Variants in STK32B observed in about 807,000 individuals in gnomAD.
STK32B encodes serine/threonine kinase 32B.
Under a neutral mutation model 52.6 loss-of-function variants are expected in STK32B, and 43 were observed. The ratio of observed to expected loss-of-function variants is 0.82; its 90% confidence interval spans 0.64 to 1.05. The LOEUF (loss-of-function observed/expected upper bound fraction) is 1.05. STK32B is among the 50% of genes least tolerant of loss of function. The pLI, the probability that STK32B is intolerant of heterozygous loss-of-function variation, is 0.00. For missense variants in STK32B, 621 were observed against 534.6 expected, an observed-to-expected ratio of 1.16 and a Z score of -1.59; for synonymous variants, 238 against 204.3, an observed-to-expected ratio of 1.17 and a Z score of -1.41.
intron 4 of STK32B, among the ~76,000 whole-genome samples, chr4:5,393,702 C>A (rs1036670653): frequency 1.3e-5 from 2 of 152,100 alleles, no homozygotes; most frequent in Admixed American, 1.3e-4. Flanking sequence ...CAGGAGAAAC[C>A]ACCCCCATGA....
At chr4:5,190,031 A>G (rs1386735024) in intron 3 of STK32B, among the ~76,000 whole-genome samples, 2 of 152,136 alleles carry the variant, frequency 1.3e-5, no homozygotes, top group African/African-American at 4.8e-5. Flanking sequence ...ATATGTGGAG[A>G]GCGTACATGA....
the STK32B span, among the ~76,000 whole-genome samples, chr4:5,040,345 A>G: frequency 1.3e-5 from 2 of 151,778 alleles, no homozygotes. Context: ...TATAGAAGGG[A>G]AGTGACTTCT....
chr4:5,050,521 A>G (rs1741720264), upstream of STK32B, among the ~76,000 whole-genome samples: 2 of 152,180 alleles, frequency 1.3e-5, no homozygotes, highest in Admixed American at 6.5e-5. Flanking sequence ...GAGACCAGGT[A>G]GGGGACGGGG....
chr4:5,370,914 A>G (rs1371267557), intron 4 of STK32B, among the ~76,000 whole-genome samples: 1 of 151,950 alleles, frequency 6.6e-6, no homozygotes, highest in Non-Finnish European at 1.5e-5. Context: ...TCGAGGCTAC[A>G]GTAAGCCATG....
intron 3 of STK32B, among the ~76,000 whole-genome samples, chr4:5,296,991 A>G (rs1206928592): frequency 6.6e-6 from 1 of 152,160 alleles, no homozygotes; most frequent in African/African-American, 2.4e-5. Flanking sequence ...AAAATCCCTC[A>G]GCATTTGCTT....
At chr4:5,434,749 A>C (rs930209069) in intron 6 of STK32B, among the ~76,000 whole-genome samples, 45 of 152,340 alleles carry the variant, frequency 3.0e-4, no homozygotes, top group African/African-American at 1.0e-3. Context: ...CACAGTCCCT[A>C]GCATCTAGAA....
chr4:5,110,060 T>C (rs889264687), intron 1 of STK32B, among the ~76,000 whole-genome samples: 2 of 148,038 alleles, frequency 1.4e-5, no homozygotes, highest in African/African-American at 2.5e-5. Flanking sequence ...GTGAAAGAGC[T>C]CTATAAGGAG....
chr4:5,364,950 A>C (rs1031052051), intron 4 of STK32B, among the ~76,000 whole-genome samples: 13 of 152,136 alleles, frequency 8.5e-5, no homozygotes, highest in African/African-American at 3.1e-4. Flanking sequence ...ATCTCGGCCC[A>C]CTGCAACCTC....
chr4:5,232,075 C>T (rs1013303124), intron 3 of STK32B, among the ~76,000 whole-genome samples: 2 of 152,132 alleles, frequency 1.3e-5, no homozygotes, highest in African/African-American at 4.8e-5. Context: ...CACGTCCCTT[C>T]CTTTGCTGAG....
intron 2 of STK32B, among the ~76,000 whole-genome samples, chr4:5,167,249 T>C (rs140749247): frequency 6.6e-6 from 1 of 152,114 alleles, no homozygotes; most frequent in Non-Finnish European, 1.5e-5. Context: ...CCTCATGGAT[T>C]TGAACCCCCA....
intron 4 of STK32B, among the ~76,000 whole-genome samples, chr4:5,341,790 G>A (rs931472699): frequency 6.6e-6 from 1 of 152,148 alleles, no homozygotes; most frequent in Admixed American, 6.5e-5. Context: ...AGGTAAAGGG[G>A]GAGCAGGCAC....
At chr4:5,410,673 T>C (rs1239910108) in intron 5 of STK32B, among the ~76,000 whole-genome samples, 1 of 152,168 alleles carries the variant, frequency 6.6e-6, no homozygotes, top group Non-Finnish European at 1.5e-5. Flanking sequence ...GGTTATTCCA[T>C]CAGGTTGCTG....
At chr4:5,043,502 G>A in the STK32B span, among the ~76,000 whole-genome samples, 193 of 152,248 alleles carry the variant, frequency 1.3e-3, no homozygotes, top group Middle Eastern at 3.4e-3. Flanking sequence ...TATAGGACTG[G>A]ACACCCAGAA....
Position 5,183,212 on chromosome 4 carries a change from T to C in STK32B, c.260+14762T>C, listed in dbSNP as rs140131696. Among the ~76,000 whole-genome samples the C allele has an allele frequency of 2.8e-3, 430 of 152,264 alleles. 6 individuals are homozygous for C. The East Asian group carries it at 0.051, about 18-fold the overall frequency. The stretch of plus-strand genomic sequence containing the variant: ...CCAGGCATTGGCCGGGCATGGTGGC[T>C]CACGCCTGTAATCCCAGCACATTGG... On this transcript the variant is annotated intron_variant, in intron 3 of 11. Coordinates refer to ENST00000282908, the MANE Select transcript of STK32B (RefSeq NM_018401.3).
chr4:5,442,548 C>G (rs1159723744), intron 6 of STK32B, among the ~76,000 whole-genome samples: 2 of 150,876 alleles, frequency 1.3e-5, no homozygotes, highest in Admixed American at 6.6e-5. Context: ...TGGGTCTTGA[C>G]TCTTTATCCA....
chr4:5,126,845 T>A (rs903079168), intron 1 of STK32B, among the ~76,000 whole-genome samples: 8 of 152,178 alleles, frequency 5.3e-5, no homozygotes, highest in Admixed American at 5.2e-4. Flanking sequence ...AGTTATCAAT[T>A]TCCTGATTTT....
At chr4:5,146,308 A>G (rs1716911146) in intron 2 of STK32B, among the ~76,000 whole-genome samples, 1 of 152,186 alleles carries the variant, frequency 6.6e-6, no homozygotes, top group Non-Finnish European at 1.5e-5. Context: ...GAAACCGAAA[A>G]TGCAGCCTTC....
In STK32B at chr4:5,317,539, G is replaced by GTATATA. The variant is rs373146893; in HGVS notation, c.261-13666_261-13661dup. 2.1e-3 allele frequency among the ~76,000 whole-genome samples: 198 copies of GTATATA among 92,126 alleles called. 3 individuals are homozygous for GTATATA. The highest frequency in any genetic ancestry group is 7.9e-3 in the East Asian group (28 of 3,552). The allele number at this position is 92,126 out of a possible 152,430, so 60.4% of individuals were successfully genotyped here. On this transcript the variant is annotated intron_variant, in intron 3 of 11. Transcript: ENST00000282908. The stretch of plus-strand genomic sequence containing the variant: ...TATATTTATTATATATATATTACAT[G>GTATATA]TATATATATATATATATATAACTTG...
intron 11 of STK32B, among the ~76,000 whole-genome samples, chr4:5,472,419 G>T (rs1717916407): frequency 6.6e-6 from 1 of 152,230 alleles, no homozygotes; most frequent in Admixed American, 6.5e-5. Flanking sequence ...TTGGCTAATG[G>T]TCTCAGCTGG....
Sources: allele counts gnomAD v4.1 joint callset (sites outside exome capture counted in the v4.1 genomes callset), GRCh38; gene constraint gnomAD v4.1.1; transcripts MANE v1.5; gene names NCBI Gene and HGNC (gene_info 2026-07-23, HGNC 2026-07-21).